CCSER1: variants seen among roughly 807,000 people sequenced by gnomAD.
CCSER1 encodes the protein coiled-coil serine rich protein 1, also known as serine-rich coiled-coil domain-containing protein 1.
Under a neutral mutation model 82.0 loss-of-function variants are expected in CCSER1, and 41 were observed. The observed-to-expected ratio is 0.50, with a 90% CI of 0.39 to 0.65. CCSER1 has a LOEUF of 0.65. CCSER1 is among the 30% of genes least tolerant of loss of function. The pLI is 0.00. For synonymous variants in CCSER1, 414 were observed against 383.9 expected (o/e 1.08, Z -0.92); for missense variants, 1,119 against 1,064.2 (o/e 1.05, Z -0.72).
chr4:90,508,860 G>T (rs1021309808), intron 5 of CCSER1, among the ~76,000 whole-genome samples: 6 of 151,968 alleles, frequency 3.9e-5, no homozygotes, highest in Non-Finnish European at 7.4e-5. Context: ...CTTAAAGGTT[G>T]ATTGTCTTAT....
At position 90,649,396 on chromosome 4, in the gene CCSER1, T is replaced by C. The variant is rs191022242; in HGVS notation, c.1932+21164T>C. 1.1e-3 allele frequency: 175 copies of C among 152,322 alleles called. 1 individual carries two copies. Among genetic ancestry groups the C allele is most frequent in the African/African-American group, 3.9e-3 (162 of 41,562 alleles). The allele number at this position is 152,322 out of a possible 1,614,324, so 9.4% of individuals were successfully genotyped here. ...GAAAGACTAACCTTCAATGTGACTA[T>C]GCTTAGAGACAGGGCTTGTGAGGAT... On this transcript the variant is annotated intron_variant, in intron 6 of 10. Transcript: ENST00000509176.
chr4:91,225,951 G>A (rs965129428), intron 10 of CCSER1, among the ~76,000 whole-genome samples: 1 of 151,884 alleles, frequency 6.6e-6, no homozygotes, highest in African/African-American at 2.4e-5. Context: ...GTCTGAATAA[G>A]GGAAGTAGAA....
intron 10 of CCSER1, among the ~76,000 whole-genome samples, chr4:91,374,242 T>A (rs534655611): frequency 2.0e-5 from 3 of 152,174 alleles, no homozygotes; most frequent in African/African-American, 7.2e-5. Context: ...AGGTTTGTAT[T>A]GGAAGAAGAT....
At chr4:90,785,343 C>A (rs1439317074) in intron 7 of CCSER1, among the ~76,000 whole-genome samples, 2 of 152,130 alleles carry the variant, frequency 1.3e-5, no homozygotes, top group Admixed American at 1.3e-4. Context: ...CCTGTATGTA[C>A]ATTAAGGGTC....
chr4:90,800,422 T>A (rs11097267), intron 7 of CCSER1, among the ~76,000 whole-genome samples: 51,469 of 151,656 alleles, frequency 0.34, 8,882 homozygotes, highest in East Asian at 0.42. Context: ...ATTTTTTTCA[T>A]GTGTAGTTTA....
At chr4:91,511,087 C>G (rs569171322) in intron 10 of CCSER1, among the ~76,000 whole-genome samples, 7 of 151,804 alleles carry the variant, frequency 4.6e-5, no homozygotes, top group African/African-American at 1.4e-4. Context: ...GAATAGGGAG[C>G]CTTTCCACTT....
intron 4 of CCSER1, among the ~76,000 whole-genome samples, chr4:90,433,244 T>A (rs1758549082): frequency 1.3e-5 from 2 of 152,124 alleles, no homozygotes; most frequent in South Asian, 4.1e-4. Flanking sequence ...CAACAACTAT[T>A]AAGTCTATTC....
At chr4:90,841,438 C>T (rs1293098177) in intron 8 of CCSER1, among the ~76,000 whole-genome samples, 1 of 151,570 alleles carries the variant, frequency 6.6e-6, no homozygotes, top group Non-Finnish European at 1.5e-5. Context: ...ATTAGCCGGG[C>T]GTGGTGGCAG....
intron 10 of CCSER1, among the ~76,000 whole-genome samples, chr4:91,427,173 C>T (rs1754035417): frequency 6.6e-6 from 1 of 152,114 alleles, no homozygotes; most frequent in Non-Finnish European, 1.5e-5. Context: ...AACATCACCA[C>T]CACCACATTT....
chr4:90,325,692 G>A, intron 3 of CCSER1: 1 of 435,610 alleles, frequency 2.3e-6, no homozygotes, highest in Non-Finnish European at 4.7e-6. Context: ...TGAGGTGACA[G>A]TCACTGGAAT....
intron 1 of CCSER1, among the ~76,000 whole-genome samples, chr4:90,229,464 A>T (rs1251536370): frequency 6.6e-6 from 1 of 152,206 alleles, no homozygotes; most frequent in Non-Finnish European, 1.5e-5. Flanking sequence ...AGTGCTCCTG[A>T]AGGAAGTGCC....
intron 9 of CCSER1, among the ~76,000 whole-genome samples, chr4:91,052,671 T>C (rs756373146): frequency 6.6e-6 from 1 of 152,128 alleles, no homozygotes; most frequent in Non-Finnish European, 1.5e-5. Context: ...TATCTCTATC[T>C]GTCTGTCTGT....
chr4:90,949,190 T>G (rs1732615309), intron 9 of CCSER1, among the ~76,000 whole-genome samples: 1 of 152,080 alleles, frequency 6.6e-6, no homozygotes, highest in Non-Finnish European at 1.5e-5. Flanking sequence ...CTGCTTCCTT[T>G]TATTAATTTT....
chr4:91,482,408 CAA>C (rs537828832), intron 10 of CCSER1, among the ~76,000 whole-genome samples: 82 of 69,972 alleles, frequency 1.2e-3, no homozygotes, highest in African/African-American at 2.9e-3. Flanking sequence ...GACTCCGTCT[CAA>C]AAAAAAAAAA....
chr4:91,335,287 G>A (rs545786014), intron 10 of CCSER1, among the ~76,000 whole-genome samples: 2 of 151,962 alleles, frequency 1.3e-5, no homozygotes, highest in Non-Finnish European at 2.9e-5. Context: ...ACTTGCCCAC[G>A]CTATCACAGA....
intron 10 of CCSER1, among the ~76,000 whole-genome samples, chr4:91,331,306 C>T (rs1405491136): frequency 6.6e-6 from 1 of 152,074 alleles, no homozygotes; most frequent in Non-Finnish European, 1.5e-5. Context: ...CTTTAGTTTT[C>T]TTTAATTTTT....
chr4:90,308,198 T>C, intron 1 of CCSER1, 46 bp from the exon 2 acceptor site: 1 of 1,297,758 alleles, frequency 7.7e-7, no homozygotes, highest in Non-Finnish European at 1.0e-6. Context: ...GTATTATTTG[T>C]AGTTGAATTC....
At chr4:91,380,865 G>A (rs1750831399) in intron 10 of CCSER1, among the ~76,000 whole-genome samples, 1 of 152,128 alleles carries the variant, frequency 6.6e-6, no homozygotes, top group Non-Finnish European at 1.5e-5. Context: ...AATTTGTCAT[G>A]TTTTTGCAGT....
chr4:90,962,920 C>A (rs186983645), intron 9 of CCSER1, among the ~76,000 whole-genome samples: 1 of 151,688 alleles, frequency 6.6e-6, no homozygotes. Flanking sequence ...GATAATGCAG[C>A]CAGAGTAGCA....
Sources: gnomAD v4.1 joint callset for allele counts (sites outside exome capture counted in the v4.1 genomes callset) on GRCh38, gnomAD v4.1.1 for gene constraint, MANE v1.5 for transcripts, NCBI Gene and HGNC (gene_info 2026-07-23, HGNC 2026-07-21) for gene names.